Variants in PKP4 observed in about 807,000 individuals in gnomAD.
The protein encoded by PKP4 is plakophilin 4, also known as plakophilin-4.
A neutral mutation model predicts 145.1 loss-of-function variants in PKP4; 90 were observed. That is an observed-to-expected ratio of 0.62 (90% CI 0.52 to 0.74). The LOEUF (loss-of-function observed/expected upper bound fraction) is 0.74, where lower values mean the gene tolerates loss of function less well. Ranked by LOEUF, PKP4 falls within the 30% of genes least tolerant of loss-of-function variation. PKP4 has a pLI of 0.00. For missense variants in PKP4, 1,340 were observed against 1,482.7 expected, an observed-to-expected ratio of 0.90 and a Z score of 1.58; for synonymous variants, 563 against 577.2, an observed-to-expected ratio of 0.98 and a Z score of 0.35.
rs146875401 is a variant in PKP4, at chr2:158,490,557, T to C, written c.-6+33339T>C. ...AGAATAGCTAATTTGTCATAGAGGA[T>C]TGAAGTTTAGAAAGGGGAAATAGCA... On this transcript the variant is annotated intron_variant, in intron 1 of 21. Coordinates refer to ENST00000389759, the MANE Select transcript of PKP4 (RefSeq NM_003628.6). 2.1e-4 allele frequency among the ~76,000 whole-genome samples: 32 copies of C among 152,268 alleles called. No homozygotes were observed. In the East Asian group the frequency reaches 5.2e-3, roughly 25 times the overall value.
At chr2:158,558,164 A>G (rs534493718) in intron 2 of PKP4, among the ~76,000 whole-genome samples, 1 of 152,194 alleles carries the variant, frequency 6.6e-6, no homozygotes, top group African/African-American at 2.4e-5. Context: ...AACAGTTCCT[A>G]CTTCATAGGC....
intron 13 of PKP4, chr2:158,661,744 A>G: frequency 3.8e-6 from 1 of 265,128 alleles, no homozygotes; most frequent in Non-Finnish European, 7.4e-6. Context: ...CCAATTCTGT[A>G]TCCGCACTAG....
At chr2:158,508,717 TA>T (rs2105519302) in intron 1 of PKP4, among the ~76,000 whole-genome samples, 1 of 152,372 alleles carries the variant, frequency 6.6e-6, no homozygotes, top group Admixed American at 6.5e-5. Context: ...TATGTTGCTG[TA>T]ATTCTTATGA....
chr2:158,569,425 G>A (rs1354824234), intron 2 of PKP4, among the ~76,000 whole-genome samples: 6 of 152,170 alleles, frequency 3.9e-5, no homozygotes, highest in East Asian at 1.9e-4. Context: ...ATAGGGCAAC[G>A]AATCCCACAG....
chr2:158,535,223 A>G (rs958372629), intron 2 of PKP4, among the ~76,000 whole-genome samples: 3 of 152,172 alleles, frequency 2.0e-5, no homozygotes, highest in African/African-American at 7.2e-5. Flanking sequence ...CCTATCATCT[A>G]CCCAATGGGA....
chr2:158,519,468 C>G (rs951119185), intron 1 of PKP4, among the ~76,000 whole-genome samples: 1 of 152,098 alleles, frequency 6.6e-6, no homozygotes, highest in African/African-American at 2.4e-5. Context: ...GCAGGGTAGG[C>G]GCTGACCACC....
Position 158,624,954 on chromosome 2 carries a change from G to A in PKP4, c.680G>A (p.Ser227Asn). 6.2e-7 allele frequency: 1 copy of A among 1,614,068 alleles called. No homozygotes were observed. The highest frequency in any genetic ancestry group is 8.5e-7 in the Non-Finnish European group (1 of 1,179,972). Residue 227 changes from serine (S) to asparagine (N), a missense_variant, in exon 7 of 22, where the codon AGC becomes AAC. Ser to Asn is a conservative substitution (Grantham distance 46). Coordinates refer to ENST00000389759, the MANE Select transcript of PKP4 (RefSeq NM_003628.6). ...SRAQSPSYVISTGVSPSRGSL... is the reference protein window; with the variant it reads ...SRAQSPSYVINTGVSPSRGSL... ...GCACAGTCTCCTTCTTATGTTATCA[G>A]CACAGGCGTGTCTCCTTCAAGGGGG... is the stretch of plus-strand genomic sequence containing the variant.
chr2:158,604,624 A>G (rs1012491554), intron 4 of PKP4, among the ~76,000 whole-genome samples: 14 of 151,854 alleles, frequency 9.2e-5, no homozygotes, highest in African/African-American at 3.1e-4. Context: ...GTTTGGGAGG[A>G]TGGTACAGTT....
At chr2:158,610,026 G>C (rs1242010841) in intron 4 of PKP4, among the ~76,000 whole-genome samples, 2 of 152,122 alleles carry the variant, frequency 1.3e-5, no homozygotes, top group African/African-American at 4.8e-5. Context: ...AGTTGTTTTG[G>C]AGCATTTATG....
rs1254489388 is a variant in PKP4, at chr2:158,603,067, T to C, written c.246-3T>C. 4 of 1,490,868 alleles carry C rather than the reference T, an allele frequency of 2.7e-6. No homozygotes were observed. Among genetic ancestry groups the C allele is most frequent in the Non-Finnish European group, 3.6e-6 (4 of 1,101,184 alleles). The allele number at this position is 1,490,868 out of a possible 1,614,324, so 92.4% of individuals were successfully genotyped here. On this transcript the variant is annotated splice_polypyrimidine_tract_variant and splice_region_variant and intron_variant, in intron 3 of 21. Transcript: ENST00000389759. The stretch of plus-strand genomic sequence containing the variant: ...TTCCATTTTTTTCTTTCTTTTTCTT[T>C]AGCTCAACTGAGAAGTCATTTCCTT...
chr2:158,654,046 G>A (rs902417672), intron 11 of PKP4, among the ~76,000 whole-genome samples: 1 of 152,136 alleles, frequency 6.6e-6, no homozygotes, highest in Non-Finnish European at 1.5e-5. Flanking sequence ...CATATCTAAG[G>A]CTTTTAAGTT....
chr2:158,457,734 C>G (rs943418679), intron 1 of PKP4: 8 of 154,132 alleles, frequency 5.2e-5, no homozygotes, highest in African/African-American at 1.7e-4. Context: ...TCTTCCCACG[C>G]CCCTGCTGCC....
At chr2:158,648,314 G>A (rs532843492) in intron 11 of PKP4, among the ~76,000 whole-genome samples, 169 of 152,238 alleles carry the variant, frequency 1.1e-3, no homozygotes, top group African/African-American at 3.9e-3. Flanking sequence ...CTGATCATTA[G>A]CTCCATATTT....
intron 1 of PKP4, among the ~76,000 whole-genome samples, chr2:158,515,148 G>C (rs956091738): frequency 6.6e-6 from 1 of 152,186 alleles, no homozygotes; most frequent in African/African-American, 2.4e-5. Flanking sequence ...GTATAACCCA[G>C]ATGGGGGAAT....
chr2:158,668,528 AGTG>A (rs1217608419), intron 16 of PKP4, among the ~76,000 whole-genome samples: 1 of 152,244 alleles, frequency 6.6e-6, no homozygotes, highest in East Asian at 1.9e-4. Flanking sequence ...TCATAGGCAG[AGTG>A]AGCTGCCTCG....
intron 1 of PKP4, among the ~76,000 whole-genome samples, chr2:158,515,724 C>T (rs966586000): frequency 6.6e-6 from 1 of 151,968 alleles, no homozygotes; most frequent in Admixed American, 6.6e-5. Flanking sequence ...AAGTATGTTC[C>T]TCAGAATGTT....
chr2:158,678,468 G>A, intron 20 of PKP4, 113 bp from the exon 21 acceptor site: 3 of 764,008 alleles, frequency 3.9e-6, no homozygotes, highest in Non-Finnish European at 7.0e-6. Flanking sequence ...TTGGCACTGG[G>A]GAAGACAGGC....
chr2:158,503,192 A>G (rs572609311), intron 1 of PKP4, among the ~76,000 whole-genome samples: 6 of 152,346 alleles, frequency 3.9e-5, no homozygotes, highest in Non-Finnish European at 5.9e-5. Flanking sequence ...GTACTTAACT[A>G]TGCTTCTGCT....
At chr2:158,471,716 T>C (rs996205322) in intron 1 of PKP4, among the ~76,000 whole-genome samples, 14 of 152,248 alleles carry the variant, frequency 9.2e-5, no homozygotes, top group Admixed American at 8.5e-4. Context: ...ATCAGGACAA[T>C]TTATTTCTTC....
Sources: allele counts gnomAD v4.1 joint callset (sites outside exome capture counted in the v4.1 genomes callset), GRCh38; gene constraint gnomAD v4.1.1; transcripts MANE v1.5; gene names NCBI Gene and HGNC (gene_info 2026-07-23, HGNC 2026-07-21).